Variants in TRAM1 observed in about 807,000 individuals in gnomAD.
TRAM1 encodes translocating chain-associated membrane protein 1.
TRAM1 carries 17 observed loss-of-function variants against 48.7 expected under a neutral mutation model. That is an observed-to-expected ratio of 0.35 (90% CI 0.24 to 0.52). The LOEUF is 0.52. Among genes scored for constraint, TRAM1 ranks in the 20% least tolerant of loss-of-function variants. The pLI, the probability that TRAM1 is intolerant of heterozygous loss-of-function variation, is 0.94. For synonymous variants in TRAM1, 182 were observed against 154.0 expected (o/e 1.18, Z -1.34); for missense variants, 351 against 441.5 (o/e 0.79, Z 1.84).
chr8:70,606,314 G>T (rs56913577), intron 1 of TRAM1, among the ~76,000 whole-genome samples: 10,220 of 152,034 alleles, frequency 0.067, 403 homozygotes, highest in Non-Finnish European at 0.078. Context: ...CACCTCAGCC[G>T]CCCAGCTGAG....
intron 2 of TRAM1, among the ~76,000 whole-genome samples, chr8:70,598,602 T>G (rs576643571): frequency 2.8e-4 from 43 of 152,298 alleles, no homozygotes; most frequent in South Asian, 6.2e-4. Context: ...ACTGACCTAT[T>G]TTTTTCAAAG....
chr8:70,582,519 GAAAA>G (rs75737537), intron 10 of TRAM1, among the ~76,000 whole-genome samples: 2 of 98,962 alleles, frequency 2.0e-5, no homozygotes, highest in Admixed American at 2.1e-4. Flanking sequence ...GGACAAACTT[GAAAA>G]AAAAAAAAAA....
chr8:70,584,037 G>T (rs1452707457), intron 8 of TRAM1, among the ~76,000 whole-genome samples: 2 of 151,928 alleles, frequency 1.3e-5, no homozygotes, highest in Admixed American at 1.3e-4. Context: ...AATAAATAAA[G>T]AAGAAACTAG....
intron 10 of TRAM1, among the ~76,000 whole-genome samples, chr8:70,580,800 A>G (rs1231433275): frequency 6.6e-6 from 1 of 152,200 alleles, no homozygotes; most frequent in South Asian, 2.1e-4. Flanking sequence ...GTTGCAGGAT[A>G]CAAGATCAAT....
chr8:70,598,975 C>T (rs1354995793), intron 2 of TRAM1, among the ~76,000 whole-genome samples: 2 of 152,056 alleles, frequency 1.3e-5, no homozygotes, highest in Admixed American at 1.3e-4. Context: ...GAACAAAAAC[C>T]CAACTCAGGG....
At chr8:70,608,043 C>A in intron 1 of TRAM1, 34 bp downstream of exon 1, 1 of 1,551,578 alleles carries the variant, frequency 6.4e-7, no homozygotes, top group Non-Finnish European at 8.7e-7. Flanking sequence ...CTGGAGGTGG[C>A]GGGGCAGGCG....
At chr8:70,590,859 T>C (rs1817339694) in intron 6 of TRAM1, among the ~76,000 whole-genome samples, 1 of 152,238 alleles carries the variant, frequency 6.6e-6, no homozygotes, top group Non-Finnish European at 1.5e-5. Flanking sequence ...CTAGTGTCTC[T>C]AAAGCAGTGT....
At chr8:70,594,305 G>GT (rs71560423) in intron 6 of TRAM1, among the ~76,000 whole-genome samples, 91,276 of 126,010 alleles carry the variant, frequency 0.72, 34,234 homozygotes, top group Non-Finnish European at 0.82. Flanking sequence ...CTGACTGAAG[G>GT]TTTTTTTTTT....
intron 6 of TRAM1, among the ~76,000 whole-genome samples, chr8:70,591,006 A>C (rs73685677): frequency 3.8e-4 from 54 of 140,628 alleles, no homozygotes; most frequent in Non-Finnish European, 5.3e-4. Context: ...AACAATAATA[A>C]TAAAAAAAAA....
chr8:70,592,165 G>A (rs1286869898), intron 6 of TRAM1, among the ~76,000 whole-genome samples: 3 of 152,080 alleles, frequency 2.0e-5, no homozygotes, highest in African/African-American at 4.8e-5. Flanking sequence ...AGCTGTCTAC[G>A]AAATATTTTG....
chr8:70,608,305 C>A lies in TRAM1; in HGVS notation c.-106G>T. On this transcript the variant is annotated 5_prime_UTR_variant, in exon 1 of 11. Coordinates refer to ENST00000262213, the MANE Select transcript of TRAM1 (RefSeq NM_014294.6). ...CCGCTGGCTGCTCCTCACGGCCCCG[C>A]TGCAGCCGCTCGCTGGGGCTTCACT... The A allele has an allele frequency of 7.1e-6, 10 of 1,410,826 alleles. No individual in the cohort carries two copies. The highest frequency in any genetic ancestry group is 9.3e-6 in the Non-Finnish European group (10 of 1,075,658). 87.4% of individuals were successfully genotyped at this position (1,410,826 alleles called of 1,614,324 possible). A position where few individuals can be genotyped will look rare whatever the true frequency, so the allele number is the denominator to read the frequency against.
At position 70,589,563 on chromosome 8, in the gene TRAM1, A is replaced by G. The variant is rs114876611; in HGVS notation, c.571-2387T>C. Among the ~76,000 whole-genome samples the G allele has an allele frequency of 3.0e-3, 451 of 152,308 alleles. 3 individuals carry two copies. The highest frequency in any genetic ancestry group is 0.01 in the African/African-American group (432 of 41,578). On this transcript the variant is annotated intron_variant, in intron 6 of 10. Transcript: ENST00000262213. ...TAACTGTAACTAAAATTTTAAATAA[A>G]GTGGTGGATCACGCCTGTAATAACA...
Position 70,608,099 on chromosome 8 carries a change from A to G in TRAM1, c.101T>C (p.Phe34Ser). 1 of 1,598,140 alleles carries G rather than the reference A, an allele frequency of 6.3e-7. No individual in the cohort carries two copies. Among genetic ancestry groups the G allele is most frequent in the Non-Finnish European group, 8.5e-7 (1 of 1,173,370 alleles). The change falls in exon 1 of 11, where the codon TTC (phenylalanine) becomes TCC (serine). Residue 34 changes from phenylalanine to serine, a missense_variant. Transcript: ENST00000262213. Reference sequence around the variant, plus strand: ...CACCTCAAACATGAGCCCCAGCAGGAAGACCATCGCCACACAGGAGACGAT... The same window carrying G: ...CACCTCAAACATGAGCCCCAGCAGGGAGACCATCGCCACACAGGAGACGAT... Reference protein sequence around the residue: ...ADIVSCVAMVFLLGLMFEITA... With the variant: ...ADIVSCVAMVSLLGLMFEITA...
chr8:70,601,440 C>T (rs1352314027), intron 1 of TRAM1, among the ~76,000 whole-genome samples: 1 of 152,150 alleles, frequency 6.6e-6, no homozygotes, highest in Non-Finnish European at 1.5e-5. Context: ...GTTAGATTAT[C>T]TCAGAGAACT....
intron 2 of TRAM1, among the ~76,000 whole-genome samples, chr8:70,599,640 G>A (rs1386908581): frequency 6.6e-6 from 1 of 152,170 alleles, no homozygotes; most frequent in African/African-American, 2.4e-5. Flanking sequence ...GGTCCAAAAT[G>A]TAACTTACAG....
rs1817802854 is a variant in TRAM1 at position 70,608,349 on chromosome 8, A to G, written c.-150T>C. 1.0e-6 allele frequency: 1 copy of G among 971,412 alleles called. No individual in the cohort carries two copies. The highest frequency in any genetic ancestry group is 1.8e-5 in the African/African-American group (1 of 54,318). 60.2% of individuals were successfully genotyped at this position (971,412 alleles called of 1,614,324 possible). On this transcript the variant is annotated 5_prime_UTR_variant, in exon 1 of 11. Coordinates refer to ENST00000262213, the MANE Select transcript of TRAM1 (RefSeq NM_014294.6). ...CTTCACTTCCCATCCCACAGCCAGT[A>G]CGCAGCCGCCGGGCCGCCCGGGGGA...
chr8:70,606,914 T>C, intron 1 of TRAM1: 1 of 985,082 alleles, frequency 1.0e-6, no homozygotes, highest in Non-Finnish European at 1.2e-6. Flanking sequence ...TTAGGTTTTC[T>C]CAAGGATTCT....
chr8:70,583,447 A>T, intron 9 of TRAM1, 123 bp from the exon 10 acceptor site: 1 of 1,293,226 alleles, frequency 7.7e-7, no homozygotes, highest in Non-Finnish European at 1.0e-6. Flanking sequence ...ATTAATAATC[A>T]TTGCATTAAT....
intron 1 of TRAM1, among the ~76,000 whole-genome samples, chr8:70,602,297 T>C (rs1323931837): frequency 1.3e-5 from 2 of 152,184 alleles, no homozygotes; most frequent in African/African-American, 4.8e-5. Flanking sequence ...CAAGGTGGTA[T>C]CCAGTAGATG....
Sources: gnomAD v4.1 joint callset for allele counts (sites outside exome capture counted in the v4.1 genomes callset) on GRCh38, gnomAD v4.1.1 for gene constraint, MANE v1.5 for transcripts, NCBI Gene and HGNC (gene_info 2026-07-23, HGNC 2026-07-21) for gene names.